VDAC1: variants seen among roughly 807,000 people sequenced by gnomAD.
VDAC1 encodes the protein non-selective voltage-gated ion channel VDAC1.
VDAC1 carries 10 observed loss-of-function variants against 34.7 expected under a neutral mutation model. The observed-to-expected ratio is 0.29, with a 90% CI of 0.18 to 0.49. The LOEUF is 0.49. VDAC1 is among the 20% of genes least tolerant of loss of function. VDAC1 has a pLI of 0.99. For synonymous variants in VDAC1, 130 were observed against 136.0 expected (o/e 0.96, Z 0.30); for missense variants, 230 against 347.9 (o/e 0.66, Z 2.69).
the VDAC1 span, among the ~76,000 whole-genome samples, chr5:134,097,756 A>G: frequency 6.6e-6 from 1 of 152,184 alleles, no homozygotes; most frequent in Non-Finnish European, 1.5e-5. Flanking sequence ...ACATAGAAGG[A>G]GCCAGACGTC....
At chr5:134,019,599 C>T in the VDAC1 span, among the ~76,000 whole-genome samples, 3 of 151,948 alleles carry the variant, frequency 2.0e-5, no homozygotes, top group African/African-American at 7.3e-5. Flanking sequence ...AACAAACAAA[C>T]AAAAAATAGA....
At chr5:134,055,613 T>TTTGTTTTTTG in the VDAC1 span, among the ~76,000 whole-genome samples, 3 of 97,436 alleles carry the variant, frequency 3.1e-5, no homozygotes, top group African/African-American at 1.0e-4. Context: ...TTTTTTTTTT[T>TTTGTTTTTTG]TTTTTTAGTA....
the VDAC1 span, among the ~76,000 whole-genome samples, chr5:134,035,270 TTC>T: frequency 1.3e-5 from 2 of 152,132 alleles, no homozygotes; most frequent in African/African-American, 2.4e-5. Context: ...TTGAGACAAG[TTC>T]TCTCTGTTAC....
chr5:134,046,404 C>T, the VDAC1 span, among the ~76,000 whole-genome samples: 4 of 152,160 alleles, frequency 2.6e-5, no homozygotes, highest in East Asian at 3.9e-4. Flanking sequence ...CTCCTGGGCT[C>T]GAGTGATCTG....
chr5:134,092,719 C>T, the VDAC1 span, among the ~76,000 whole-genome samples: 1 of 151,968 alleles, frequency 6.6e-6, no homozygotes, highest in South Asian at 2.1e-4. Context: ...TGGGTGACCT[C>T]TGACACTGAT....
At chr5:133,997,333 A>G (rs1248240057) in intron 1 of VDAC1, among the ~76,000 whole-genome samples, 1 of 152,162 alleles carries the variant, frequency 6.6e-6, no homozygotes, top group East Asian at 1.9e-4. Flanking sequence ...AAGCAACCTA[A>G]AAGTCCATCA....
the VDAC1 span, among the ~76,000 whole-genome samples, chr5:134,084,157 T>G: frequency 6.6e-6 from 1 of 152,152 alleles, no homozygotes. Context: ...CTTTAAAGGA[T>G]AGCTAGGGAT....
In VDAC1 at chr5:133,972,933, C is replaced by A. The variant is rs750784320; in HGVS notation, c.761-71G>T. 7.6e-6 allele frequency: 10 copies of A among 1,314,566 alleles called. No homozygotes were observed. In the Admixed American group the frequency reaches 1.4e-4, roughly 19 times the overall value. The allele number at this position is 1,314,566 out of a possible 1,614,324, so 81.4% of individuals were successfully genotyped here. A position where few individuals can be genotyped will look rare whatever the true frequency, so the allele number is the denominator to read the frequency against. ...AAAGAAATGACAAGAAAGATTAACA[C>A]CAAATTCAGAACCTGTTCCAGGTAT... On this transcript the variant is annotated intron_variant, in intron 8 of 8. Transcript: ENST00000265333.
At chr5:134,005,024 C>G (rs1753713829), upstream of VDAC1, 1 of 152,290 alleles carries the variant, frequency 6.6e-6, no homozygotes, top group Admixed American at 6.5e-5. Context: ...TGTGCGTGCG[C>G]AGGGACACGC....
At chr5:134,103,734 A>G in the VDAC1 span, among the ~76,000 whole-genome samples, 1 of 152,324 alleles carries the variant, frequency 6.6e-6, no homozygotes. Flanking sequence ...ACATAAAACG[A>G]AATGTTTACC....
the VDAC1 span, among the ~76,000 whole-genome samples, chr5:134,093,557 C>T: frequency 6.6e-6 from 1 of 152,202 alleles, no homozygotes; most frequent in African/African-American, 2.4e-5. Flanking sequence ...CCCAACAGAC[C>T]TGTAATTTCC....
the VDAC1 span, among the ~76,000 whole-genome samples, chr5:134,099,112 G>A: frequency 2.6e-5 from 4 of 152,310 alleles, no homozygotes; most frequent in East Asian, 7.7e-4. Context: ...CAGAGAGGTG[G>A]ACAGGCAGGA....
At chr5:134,040,240 G>A in the VDAC1 span, among the ~76,000 whole-genome samples, 1 of 152,176 alleles carries the variant, frequency 6.6e-6, no homozygotes, top group African/African-American at 2.4e-5. Flanking sequence ...AGACCAGCCT[G>A]GCCAACATGG....
intron 6 of VDAC1, 92 bp from the exon 7 acceptor site, chr5:133,976,113 G>A: frequency 6.7e-7 from 1 of 1,483,300 alleles, no homozygotes; most frequent in Non-Finnish European, 9.3e-7. Context: ...AGACAGGGAT[G>A]ACAGAAATGG....
the VDAC1 span, among the ~76,000 whole-genome samples, chr5:134,026,472 G>A: frequency 6.6e-5 from 9 of 136,466 alleles, no homozygotes; most frequent in Admixed American, 1.7e-4. Context: ...CCAAGATCAC[G>A]CCACTGCACT....
At chr5:133,989,660 CTT>C (rs58777659) in intron 5 of VDAC1, among the ~76,000 whole-genome samples, 31 of 145,256 alleles carry the variant, frequency 2.1e-4, no homozygotes, top group South Asian at 1.3e-3. Flanking sequence ...GCATCCGACT[CTT>C]TTTTTTTTTT....
At chr5:134,023,431 C>T in the VDAC1 span, among the ~76,000 whole-genome samples, 1 of 148,018 alleles carries the variant, frequency 6.8e-6, no homozygotes, top group Non-Finnish European at 1.5e-5. Flanking sequence ...CACACGTATA[C>T]CTATGTAACA....
the VDAC1 span, among the ~76,000 whole-genome samples, chr5:134,040,568 C>A: frequency 1.3e-5 from 2 of 150,786 alleles, no homozygotes. Context: ...GAGTGAGACT[C>A]CGTCTCAAAA....
At chr5:134,106,831 G>A in the VDAC1 span, among the ~76,000 whole-genome samples, 2 of 152,348 alleles carry the variant, frequency 1.3e-5, no homozygotes, top group South Asian at 4.1e-4. Context: ...GAGCAAAATG[G>A]AAACCCAGGC....
Sources: gnomAD v4.1 joint callset for allele counts (sites outside exome capture counted in the v4.1 genomes callset) on GRCh38, gnomAD v4.1.1 for gene constraint, MANE v1.5 for transcripts, NCBI Gene and HGNC (gene_info 2026-07-23, HGNC 2026-07-21) for gene names.